KSR1: variants seen among roughly 807,000 people sequenced by gnomAD.
KSR1 encodes kinase suppressor of ras 1.
Under a neutral mutation model 92.9 loss-of-function variants are expected in KSR1, and 35 were observed. That is an observed-to-expected ratio of 0.38 (90% confidence interval 0.29 to 0.50). The LOEUF (loss-of-function observed/expected upper bound fraction) is 0.50. Ranked by LOEUF, KSR1 falls within the 20% of genes least tolerant of loss-of-function variation. The probability of loss-of-function intolerance (pLI) is 0.94; values close to 1 mark genes in which losing one functional copy is unlikely to be tolerated. For missense variants in KSR1, 972 were observed against 1,158.5 expected (o/e 0.84, Z 2.34); for synonymous variants, 467 against 472.6 (o/e 0.99, Z 0.15).
intron 1 of KSR1, among the ~76,000 whole-genome samples, chr17:27,467,258 T>C (rs1476931190): frequency 1.3e-5 from 2 of 152,232 alleles, no homozygotes; most frequent in Admixed American, 6.5e-5. Flanking sequence ...TCTGTTAGCA[T>C]AGGATAATTT....
At chr17:27,567,428 T>A (rs9646433) in intron 2 of KSR1, among the ~76,000 whole-genome samples, 58,248 of 151,960 alleles carry the variant, frequency 0.38, 11,281 homozygotes, top group Middle Eastern at 0.45. Context: ...TCGTCTCTTT[T>A]TTAAAAAAAG....
chr17:27,583,070 G>C lies in KSR1; in HGVS notation c.945G>C (p.Gln315His). 6.3e-7 allele frequency: 1 copy of C among 1,592,962 alleles called. No homozygotes were observed. The highest frequency in any genetic ancestry group is 2.2e-5 in the East Asian group (1 of 44,528). The change falls in exon 4 of 21, where the codon CAG becomes CAC. Residue 315 changes from glutamine (Q) to histidine (H), a missense_variant. Around this residue, in one of 5 missense-constraint regions of KSR1, gnomAD observed 611 missense variants for 668.0 expected, o/e 0.91. Transcript: ENST00000644974. ...CCCGGAGCAAGTCCCATGAGTCTCA[G>C]CTGGGGAACCGCATTGATGACGTCT... ...TLTRSKSHES[Q>H]LGNRIDDVSS...
intron 17 of KSR1, chr17:27,611,196 T>A: frequency 2.6e-6 from 1 of 379,194 alleles, no homozygotes; most frequent in Non-Finnish European, 4.8e-6. Flanking sequence ...GCAGTTTTAC[T>A]GGGATCTTGC....
At position 27,494,512 on chromosome 17, in the gene KSR1, G is replaced by C. The variant is rs138015034; in HGVS notation, c.231+37638G>C. Among the ~76,000 whole-genome samples the C allele has an allele frequency of 3.6e-4, 55 of 152,288 alleles. No homozygotes were observed. The East Asian group carries it at 8.9e-3, about 25-fold the overall frequency. On this transcript the variant is annotated intron_variant, in intron 1 of 20. Coordinates refer to ENST00000644974, the MANE Select transcript of KSR1 (RefSeq NM_001394583.1). ...TTACCCAGGGTCACGTGCCTGGTCA[G>C]TGCCTTAAATGGACCCAGGGTGTCA...
In KSR1 at chr17:27,623,910, T is replaced by G. The variant is rs2151279705; in HGVS notation, c.*518T>G. 2.8e-6 allele frequency: 1 copy of G among 354,260 alleles called. No homozygotes were observed. The highest frequency in any genetic ancestry group is 4.6e-5 in the East Asian group (1 of 21,624). The allele number at this position is 354,260 out of a possible 1,614,324, so 21.9% of individuals were successfully genotyped here. ...CTATCTAGGGCTCTCCCCTTGTCCT[T>G]TCAAAGGGATACTGCCCCTTCCTCG... is the stretch of plus-strand genomic sequence containing the variant. On this transcript the variant is annotated 3_prime_UTR_variant, in exon 21 of 21. Coordinates refer to ENST00000644974, the MANE Select transcript of KSR1 (RefSeq NM_001394583.1).
Position 27,475,192 on chromosome 17 carries a change from GCCA to G in KSR1, c.231+18320_231+18322del, listed in dbSNP as rs1444432541. Among the ~76,000 whole-genome samples the G allele has an allele frequency of 6.3e-4, 96 of 152,260 alleles. 1 individual carries two copies. In the Middle Eastern group the frequency reaches 0.017, roughly 27 times the overall value. Reference sequence around the variant, plus strand: ...GGAAAACCCTGGGGCCAGGGGTGAGGCCACAAGGGGCCCTGGGCATGACATTTA... The same window carrying G: ...GGAAAACCCTGGGGCCAGGGGTGAGGCAAGGGGCCCTGGGCATGACATTTA... On this transcript the variant is annotated intron_variant, in intron 1 of 20. Transcript: ENST00000644974.
At chr17:27,463,777 C>T (rs1489561855) in intron 1 of KSR1, among the ~76,000 whole-genome samples, 1 of 152,216 alleles carries the variant, frequency 6.6e-6, no homozygotes, top group Non-Finnish European at 1.5e-5. Context: ...TCACTTGAGG[C>T]TCATGAAAGT....
At chr17:27,501,289 C>CTTTTTTT (rs1567768260) in intron 1 of KSR1, among the ~76,000 whole-genome samples, 3 of 43,592 alleles carry the variant, frequency 6.9e-5, no homozygotes, top group African/African-American at 1.7e-4. Flanking sequence ...AATTTCTTTT[C>CTTTTTTT]TTCTTTTTTT....
At chr17:27,527,331 A>G (rs1325535029) in intron 1 of KSR1, 1 of 155,084 alleles carries the variant, frequency 6.4e-6, no homozygotes, top group East Asian at 2.0e-4. Flanking sequence ...ACAGTGAGCC[A>G]TGTTTGCACC....
rs2072553056 is a variant in KSR1 at position 27,577,431 on chromosome 17, G to T, written c.373-61G>T. ...CTCAGCAGGAGGCCAGCCTGAGGCT[G>T]AGGGGCTCCCGGCCCAGCCGACTGC... On this transcript the variant is annotated intron_variant, in intron 2 of 20. Coordinates refer to ENST00000644974, the MANE Select transcript of KSR1 (RefSeq NM_001394583.1). This position sits in a 1 kb window ranked among gnomAD's most constrained non-coding sequence, Gnocchi z 4.5. The T allele has an allele frequency of 1.8e-6, 2 of 1,103,336 alleles. No individual in the cohort carries two copies. Among genetic ancestry groups the T allele is most frequent in the East Asian group, 5.1e-5 (2 of 38,872 alleles). 68.3% of individuals were successfully genotyped at this position (1,103,336 alleles called of 1,614,324 possible). A position where few individuals can be genotyped will look rare whatever the true frequency, so the allele number is the denominator to read the frequency against.
intron 1 of KSR1, among the ~76,000 whole-genome samples, chr17:27,477,341 G>A (rs563573698): frequency 1.3e-5 from 2 of 152,274 alleles, no homozygotes; most frequent in Non-Finnish European, 2.9e-5. Flanking sequence ...TGTTTAAGAC[G>A]GAGTTGCTCT....
intron 1 of KSR1, among the ~76,000 whole-genome samples, chr17:27,500,503 T>G (rs1404868545): frequency 6.6e-6 from 1 of 152,244 alleles, no homozygotes; most frequent in African/African-American, 2.4e-5. Context: ...ACAGGTTTGA[T>G]GCTTAGCCAT....
At chr17:27,519,590 C>T (rs2069939778) in intron 1 of KSR1, among the ~76,000 whole-genome samples, 1 of 152,162 alleles carries the variant, frequency 6.6e-6, no homozygotes, top group African/African-American at 2.4e-5. Flanking sequence ...AGTCCCGGGA[C>T]CCCAGCTGTC....
chr17:27,593,382 G>C (rs1204105437), intron 9 of KSR1, among the ~76,000 whole-genome samples: 1 of 152,244 alleles, frequency 6.6e-6, no homozygotes, highest in Non-Finnish European at 1.5e-5. Flanking sequence ...CTGTGGTTTT[G>C]GCTGTGTATT....
At chr17:27,470,552 T>C (rs1043368240) in intron 1 of KSR1, among the ~76,000 whole-genome samples, 2 of 152,078 alleles carry the variant, frequency 1.3e-5, no homozygotes, top group African/African-American at 2.4e-5. Context: ...AGTTTTGTAT[T>C]TTTAGTAGAG....
At chr17:27,532,647 A>G (rs1327154714) in intron 1 of KSR1, among the ~76,000 whole-genome samples, 1 of 152,214 alleles carries the variant, frequency 6.6e-6, no homozygotes, top group East Asian at 1.9e-4. Flanking sequence ...GATGTGGCTT[A>G]CAGGCAGCTG....
In KSR1 at chr17:27,577,379, G is replaced by T. The variant is rs868584274; in HGVS notation, c.373-113G>T. The T allele has an allele frequency of 1.5e-6, 1 of 659,932 alleles. No individual in the cohort carries two copies. Among genetic ancestry groups the T allele is most frequent in the African/African-American group, 1.8e-5 (1 of 54,770 alleles). 40.9% of individuals were successfully genotyped at this position (659,932 alleles called of 1,614,324 possible). A position where few individuals can be genotyped will look rare whatever the true frequency, so the allele number is the denominator to read the frequency against. ...CACGTGGTGGCTCTGGTCAGAGGCC[G>T]GCCCAGCCAGCAGCTGGCCCCTGCC... On this transcript the variant is annotated intron_variant, in intron 2 of 20. Coordinates refer to ENST00000644974, the MANE Select transcript of KSR1 (RefSeq NM_001394583.1). This position sits in a 1 kb window ranked among gnomAD's most constrained non-coding sequence, Gnocchi z 4.5.
At chr17:27,573,743 G>C (rs1424291278) in intron 2 of KSR1, among the ~76,000 whole-genome samples, 1 of 152,202 alleles carries the variant, frequency 6.6e-6, no homozygotes, top group Non-Finnish European at 1.5e-5. Flanking sequence ...TGCGCACGTG[G>C]GTTTCAATTC....
chr17:27,499,229 G>A (rs2069094736), intron 1 of KSR1, among the ~76,000 whole-genome samples: 1 of 152,180 alleles, frequency 6.6e-6, no homozygotes, highest in South Asian at 2.1e-4. Context: ...TTGGGCCCCT[G>A]GGCAGCAAGT....
Sources: allele counts gnomAD v4.1 joint callset (sites outside exome capture counted in the v4.1 genomes callset), GRCh38; gene constraint gnomAD v4.1.1; regional missense constraint gnomAD v4.1.1; non-coding constraint Gnocchi (gnomAD v3.1); transcripts MANE v1.5; gene names NCBI Gene and HGNC (gene_info 2026-07-23, HGNC 2026-07-21).